MYT1L: variants seen among roughly 807,000 people sequenced by gnomAD.
MYT1L encodes myelin transcription factor 1-like protein.
MYT1L carries 12 observed loss-of-function variants against 126.7 expected under a neutral mutation model. The ratio of observed to expected loss-of-function variants is 0.09; its 90% CI spans 0.06 to 0.15. The LOEUF (loss-of-function observed/expected upper bound fraction) is 0.15, where lower values mean the gene tolerates loss of function less well. Among genes scored for constraint, MYT1L ranks in the 10% least tolerant of loss-of-function variants. The probability of loss-of-function intolerance (pLI) is 1.00; values close to 1 mark genes in which losing one functional copy is unlikely to be tolerated. For synonymous variants in MYT1L, 541 were observed against 604.2 expected (o/e 0.90, Z 1.53); for missense variants, 979 against 1,585.2 (o/e 0.62, Z 6.49).
chr2:1,818,240 T>C (rs2037988344), intron 21 of MYT1L, among the ~76,000 whole-genome samples: 1 of 152,110 alleles, frequency 6.6e-6, no homozygotes, highest in Non-Finnish European at 1.5e-5. Flanking sequence ...GGTGGGAGTG[T>C]GTGTAGAAGC....
At chr2:1,956,611 T>C (rs564756509) in intron 8 of MYT1L, among the ~76,000 whole-genome samples, 4 of 149,616 alleles carry the variant, frequency 2.7e-5, no homozygotes, top group Admixed American at 6.7e-5. Flanking sequence ...TATCTATCTA[T>C]CTATCTATCT....
intron 4 of MYT1L, among the ~76,000 whole-genome samples, chr2:2,047,413 C>T (rs1053879264): frequency 3.3e-5 from 5 of 152,188 alleles, no homozygotes; most frequent in Non-Finnish European, 7.3e-5. Context: ...GATACATCTG[C>T]GAATTGCTCC....
intron 4 of MYT1L, among the ~76,000 whole-genome samples, chr2:2,003,204 G>A (rs1055892515): frequency 6.6e-6 from 1 of 152,100 alleles, no homozygotes; most frequent in Admixed American, 6.5e-5. Context: ...TGCATGGGGG[G>A]CATCTGTGCT....
intron 3 of MYT1L, among the ~76,000 whole-genome samples, chr2:2,133,881 C>T (rs2082695314): frequency 6.6e-6 from 1 of 152,004 alleles, no homozygotes; most frequent in African/African-American, 2.4e-5. Context: ...AAAGCAGATG[C>T]TTTAAGAGAA....
intron 3 of MYT1L, among the ~76,000 whole-genome samples, chr2:2,126,379 A>C (rs1361620913): frequency 6.6e-6 from 1 of 152,192 alleles, no homozygotes; most frequent in Non-Finnish European, 1.5e-5. Context: ...TAATTTAAAA[A>C]ATGCCCCTTG....
intron 18 of MYT1L, among the ~76,000 whole-genome samples, chr2:1,877,483 G>A (rs1171295225): frequency 6.6e-6 from 1 of 152,002 alleles, no homozygotes; most frequent in Non-Finnish European, 1.5e-5. Flanking sequence ...TTCCTTGCTC[G>A]ACTGATATTT....
At chr2:2,109,252 A>G (rs1000915396) in intron 3 of MYT1L, among the ~76,000 whole-genome samples, 6 of 152,188 alleles carry the variant, frequency 3.9e-5, no homozygotes, top group African/African-American at 1.4e-4. Flanking sequence ...TTTGCTACAG[A>G]AGAAAAACAC....
chr2:2,184,015 GAGAA>G (rs916396103), intron 2 of MYT1L, among the ~76,000 whole-genome samples: 8 of 149,112 alleles, frequency 5.4e-5, no homozygotes, highest in Non-Finnish European at 8.9e-5. Flanking sequence ...AAGAGAAAGA[GAGAA>G]AGAAAGACAG....
chr2:1,833,473 C>T (rs1444384235), intron 21 of MYT1L, among the ~76,000 whole-genome samples: 2 of 152,200 alleles, frequency 1.3e-5, no homozygotes, highest in African/African-American at 2.4e-5. Context: ...CGCTCTGCTG[C>T]TTCCTCATGT....
chr2:1,988,273 C>A (rs1027096469), intron 5 of MYT1L, among the ~76,000 whole-genome samples: 1 of 152,196 alleles, frequency 6.6e-6, no homozygotes, highest in Non-Finnish European at 1.5e-5. Flanking sequence ...CCCGCCTGCA[C>A]CTCCCATTCC....
Position 2,059,593 on chromosome 2 carries a change from G to T in MYT1L, c.-303-5470C>A, listed in dbSNP as rs893421492. Among the ~76,000 whole-genome samples the T allele has an allele frequency of 6.6e-6, 1 of 152,174 alleles. No homozygotes were observed. The highest frequency in any genetic ancestry group is 1.5e-5 in the Non-Finnish European group (1 of 68,028). On this transcript the variant is annotated intron_variant, in intron 3 of 24. Coordinates refer to ENST00000647738, the MANE Select transcript of MYT1L (RefSeq NM_001303052.2). The surrounding 1 kb of genome is among the most constrained non-coding windows in gnomAD (Gnocchi z 4.7). Reference sequence around the variant, plus strand: ...GCCTTGCACCAAAGCACAAACGGACGCAGGACTGCAGTTCGGCAGGGGGCA... The same window carrying T: ...GCCTTGCACCAAAGCACAAACGGACTCAGGACTGCAGTTCGGCAGGGGGCA...
chr2:2,210,541 A>T (rs1018000421), intron 2 of MYT1L, among the ~76,000 whole-genome samples: 3 of 152,122 alleles, frequency 2.0e-5, no homozygotes, highest in Non-Finnish European at 1.5e-5. Flanking sequence ...CACTGTAGGT[A>T]TAAGGATTTG....
chr2:1,987,107 A>G (rs1574253502), intron 5 of MYT1L, among the ~76,000 whole-genome samples: 2 of 152,190 alleles, frequency 1.3e-5, no homozygotes, highest in African/African-American at 4.8e-5. Context: ...GTTTCTTATG[A>G]CTTCTCCATT....
chr2:2,120,128 G>A (rs904591288), intron 3 of MYT1L, among the ~76,000 whole-genome samples: 2 of 152,112 alleles, frequency 1.3e-5, no homozygotes, highest in African/African-American at 2.4e-5. Flanking sequence ...CTAGATCGCC[G>A]GCATGCCTCA....
chr2:2,209,195 G>T (rs2148889410), intron 2 of MYT1L, among the ~76,000 whole-genome samples: 1 of 152,248 alleles, frequency 6.6e-6, no homozygotes, highest in African/African-American at 2.4e-5. Flanking sequence ...AATAATCACA[G>T]CATGGTACAT....
intron 3 of MYT1L, among the ~76,000 whole-genome samples, chr2:2,109,395 A>G (rs59922558): frequency 0.39 from 59,799 of 151,864 alleles, 12,300 homozygotes; most frequent in African/African-American, 0.52. Flanking sequence ...ACAGCGTGGG[A>G]AGGGGAGCCG....
chr2:1,946,058 C>T (rs1479025236), intron 8 of MYT1L, among the ~76,000 whole-genome samples: 3 of 152,124 alleles, frequency 2.0e-5, no homozygotes, highest in Admixed American at 1.3e-4. Flanking sequence ...CCCTATTGCT[C>T]GCATGACCAC....
At chr2:1,871,416 T>A (rs996164268) in intron 18 of MYT1L, among the ~76,000 whole-genome samples, 7 of 152,352 alleles carry the variant, frequency 4.6e-5, no homozygotes, top group Non-Finnish European at 7.3e-5. Context: ...AGAACCGGGA[T>A]ACCAATTCAT....
chr2:1,942,921 T>G (rs1158268150), intron 9 of MYT1L, 61 bp downstream of exon 9: 1 of 1,461,642 alleles, frequency 6.8e-7, no homozygotes. Flanking sequence ...CAGCCGGCAA[T>G]TCACCTTGAA....
Sources: gnomAD v4.1 joint callset for allele counts (sites outside exome capture counted in the v4.1 genomes callset) on GRCh38, gnomAD v4.1.1 for gene constraint, Gnocchi (gnomAD v3.1) non-coding constraint, MANE v1.5 for transcripts, NCBI Gene and HGNC (gene_info 2026-07-23, HGNC 2026-07-21) for gene names.